PHF21B: variants seen among roughly 807,000 people sequenced by gnomAD.
The protein encoded by PHF21B is PHD finger protein 21B.
PHF21B carries 22 observed loss-of-function variants against 62.2 expected under a neutral mutation model. The observed-to-expected ratio is 0.35, with a 90% CI of 0.25 to 0.51. PHF21B has a LOEUF of 0.51. Ranked by LOEUF, PHF21B falls within the 20% of genes least tolerant of loss-of-function variation. The pLI is 0.97. For missense variants in PHF21B, 701 were observed against 707.9 expected, an observed-to-expected ratio of 0.99 and a Z score of 0.11; for synonymous variants, 341 against 314.7, an observed-to-expected ratio of 1.08 and a Z score of -0.88.
At chr22:44,945,860 C>A (rs927441905) in intron 2 of PHF21B, among the ~76,000 whole-genome samples, 1 of 152,126 alleles carries the variant, frequency 6.6e-6, no homozygotes, top group African/African-American at 2.4e-5. Context: ...CTCTTTGGGC[C>A]TCAGGCCCCA....
chr22:44,907,763 G>A (rs1298761988), intron 5 of PHF21B, among the ~76,000 whole-genome samples: 2 of 152,214 alleles, frequency 1.3e-5, no homozygotes, highest in Non-Finnish European at 2.9e-5. Context: ...GAAGAAAGGA[G>A]ACAGGACAGC....
intron 10 of PHF21B, among the ~76,000 whole-genome samples, chr22:44,887,098 G>A (rs984663582): frequency 1.3e-5 from 2 of 149,950 alleles, no homozygotes; most frequent in Non-Finnish European, 3.0e-5. Flanking sequence ...AGAGGTGGCA[G>A]TGAGCTGAGA....
chr22:44,996,655 TAC>T (rs369849208), intron 2 of PHF21B, among the ~76,000 whole-genome samples: 7 of 151,084 alleles, frequency 4.6e-5, no homozygotes, highest in Middle Eastern at 3.4e-3. Context: ...CCACCTGTCC[TAC>T]ACACACACAC....
chr22:44,950,763 T>C (rs1601635012), intron 2 of PHF21B, among the ~76,000 whole-genome samples: 1 of 152,198 alleles, frequency 6.6e-6, no homozygotes, highest in East Asian at 1.9e-4. Flanking sequence ...AGCAGGGCTC[T>C]TGCTGTTTCC....
intron 5 of PHF21B, among the ~76,000 whole-genome samples, chr22:44,911,987 T>A (rs2071351704): frequency 1.3e-5 from 2 of 152,250 alleles, no homozygotes; most frequent in Non-Finnish European, 1.5e-5. Context: ...AGCTCTTGAA[T>A]CAGCATGACC....
At chr22:45,008,742 G>A in intron 1 of PHF21B, 132 bp from the exon 2 acceptor site, 1 of 1,155,152 alleles carries the variant, frequency 8.7e-7, no homozygotes, top group Non-Finnish European at 1.1e-6. Flanking sequence ...AAGTTTCCCG[G>A]GCCGCGTCCT....
rs531081363 is a variant in PHF21B, at chr22:44,895,374, C to T, written c.883+658G>A. ...ATGTTCACGGCCCATGTGAAGCTGCCCTCATCCGTAAGGTCACACAGCCCC... is the reference window on the plus strand; with the variant it reads ...ATGTTCACGGCCCATGTGAAGCTGCTCTCATCCGTAAGGTCACACAGCCCC... On this transcript the variant is annotated intron_variant, in intron 6 of 12. Transcript: ENST00000313237. 6.6e-5 allele frequency among the ~76,000 whole-genome samples: 10 copies of T among 152,300 alleles called. No individual in the cohort carries two copies. The East Asian group carries it at 1.9e-3, about 29-fold the overall frequency.
At chr22:44,895,840 G>A (rs964205946) in intron 6 of PHF21B, among the ~76,000 whole-genome samples, 192 bp downstream of exon 6, 4 of 152,296 alleles carry the variant, frequency 2.6e-5, no homozygotes, top group South Asian at 2.1e-4. Flanking sequence ...GACCTCCTGC[G>A]AGGTGGTTTA....
intron 2 of PHF21B, among the ~76,000 whole-genome samples, chr22:44,974,142 G>A (rs533779806): frequency 2.0e-4 from 30 of 152,272 alleles, no homozygotes; most frequent in Non-Finnish European, 3.4e-4. Context: ...GGCCAGGTGC[G>A]GTGGCTCACG....
In PHF21B at chr22:45,009,121, G is replaced by T. The variant is rs994785042; in HGVS notation, c.54+375C>A. ...CTACTTCTGCACACCGGGCAGGTTC[G>T]CCCGGGGCGCGGGGGCCCGAGGGGA... On this transcript the variant is annotated intron_variant, in intron 1 of 12. Coordinates refer to ENST00000313237, the MANE Select transcript of PHF21B (RefSeq NM_138415.5). This position sits in a 1 kb window ranked among gnomAD's most constrained non-coding sequence, Gnocchi z 5.9. 5 of 868,720 alleles carry T rather than the reference G, an allele frequency of 5.8e-6. No homozygotes were observed. In the East Asian group the frequency reaches 1.3e-4, roughly 23 times the overall value. 53.8% of individuals were successfully genotyped at this position (868,720 alleles called of 1,614,324 possible). A position where few individuals can be genotyped will look rare whatever the true frequency, so the allele number is the denominator to read the frequency against.
chr22:44,884,542 C>G (rs2070815690), intron 12 of PHF21B, among the ~76,000 whole-genome samples: 2 of 143,876 alleles, frequency 1.4e-5, no homozygotes, highest in African/African-American at 5.2e-5. Context: ...ATCATCACCA[C>G]CATCACCACA....
intron 2 of PHF21B, among the ~76,000 whole-genome samples, chr22:44,957,901 A>T (rs1279335556): frequency 1.2e-5 from 1 of 84,366 alleles, no homozygotes. Context: ...TCACCACTGG[A>T]CATTTTTTTT....
At chr22:44,902,294 C>G in intron 5 of PHF21B, 1 of 286,318 alleles carries the variant, frequency 3.5e-6, no homozygotes, top group Non-Finnish European at 7.0e-6. Flanking sequence ...TACAGGGCAG[C>G]GCAAGGTTGA....
At chr22:44,926,179 G>T (rs1386729949) in intron 2 of PHF21B, among the ~76,000 whole-genome samples, 1 of 115,336 alleles carries the variant, frequency 8.7e-6, no homozygotes, top group African/African-American at 2.8e-5. Context: ...ACCCTGCAAT[G>T]GATTCCCAGG....
chr22:44,921,512 G>A (rs945963377), intron 2 of PHF21B, among the ~76,000 whole-genome samples: 8 of 150,902 alleles, frequency 5.3e-5, no homozygotes, highest in African/African-American at 2.0e-4. Context: ...AACTACAGGC[G>A]CTGCCACCAC....
In PHF21B at chr22:44,975,764, G is replaced by A. The variant is rs931580234; in HGVS notation, c.120+32781C>T. On this transcript the variant is annotated intron_variant, in intron 2 of 12. Coordinates refer to ENST00000313237, the MANE Select transcript of PHF21B (RefSeq NM_138415.5). ...GTGCTGAACCAGCAGGGCTCTTGGG[G>A]CCAGCGGGTCCTCCCACCCAGGGCT... is the stretch of plus-strand genomic sequence containing the variant. Among the ~76,000 whole-genome samples, 6 of 152,382 alleles carry A rather than the reference G, an allele frequency of 3.9e-5. No individual in the cohort carries two copies. In the South Asian group the frequency reaches 1.2e-3, roughly 32 times the overall value.
At chr22:44,934,186 G>A (rs556915755) in intron 2 of PHF21B, among the ~76,000 whole-genome samples, 1 of 152,286 alleles carries the variant, frequency 6.6e-6, no homozygotes, top group African/African-American at 2.4e-5. Flanking sequence ...GGGGCTCAGA[G>A]TCCCATCGGC....
intron 2 of PHF21B, among the ~76,000 whole-genome samples, chr22:44,997,263 C>T (rs2073138930): frequency 6.6e-6 from 1 of 152,162 alleles, no homozygotes; most frequent in South Asian, 2.1e-4. Context: ...ACAGGTGGCT[C>T]CTGGCAACTT....
chr22:44,889,951 A>C lies in PHF21B; in HGVS notation c.1016-169T>G, dbSNP rs146448330. ...GCTCTCACCCCAGGGCATGATGGGA[A>C]TATCACAAGGCCCTGTGATACCTGG... On this transcript the variant is annotated intron_variant, in intron 8 of 12. Coordinates refer to ENST00000313237, the MANE Select transcript of PHF21B (RefSeq NM_138415.5). 2.4e-3 allele frequency among the ~76,000 whole-genome samples: 367 copies of C among 151,700 alleles called. 2 individuals are homozygous for C. Among genetic ancestry groups the C allele is most frequent in the African/African-American group, 8.3e-3 (343 of 41,354 alleles).
Sources: gnomAD v4.1 joint callset for allele counts (sites outside exome capture counted in the v4.1 genomes callset) on GRCh38, gnomAD v4.1.1 for gene constraint, Gnocchi (gnomAD v3.1) non-coding constraint, MANE v1.5 for transcripts, NCBI Gene and HGNC (gene_info 2026-07-23, HGNC 2026-07-21) for gene names.